The following NEXN variants were observed in gnomAD, a reference collection of about 807,000 sequenced individuals.
The protein encoded by NEXN is nexilin F-actin binding protein.
Under a neutral mutation model 92.6 loss-of-function variants are expected in NEXN, and 65 were observed. The observed-to-expected ratio is 0.70, with a 90% CI of 0.57 to 0.86. The LOEUF is 0.86. NEXN is among the 40% of genes least tolerant of loss of function. The pLI is 0.00. For missense variants in NEXN, 778 were observed against 771.1 expected, an observed-to-expected ratio of 1.01 and a Z score of -0.11; for synonymous variants, 254 against 242.5, an observed-to-expected ratio of 1.05 and a Z score of -0.44.
In NEXN at chr1:77,933,300, C is replaced by T. The variant is rs998636692; in HGVS notation, c.1072C>T (p.Pro358Ser). 2.5e-6 allele frequency: 4 copies of T among 1,598,194 alleles called. No homozygotes were observed. Among genetic ancestry groups the T allele is most frequent in the Admixed American group, 3.3e-5 (2 of 59,798 alleles). Residue 358 changes from proline (P) to serine (S), a missense_variant, in exon 10 of 13, where the codon CCA becomes TCA. By Grantham distance (74) the Pro-to-Ser change is moderately conservative. This residue lies in a region of NEXN where 532 missense variants were observed against 476.7 expected (regional missense o/e 1.12). Coordinates refer to ENST00000334785, the MANE Select transcript of NEXN (RefSeq NM_144573.4). ...RRNMVVDDDS[P>S]EMYKTISQEF... ...TAAATAGGTAGTAGATGATGACTCC[C>T]CAGAGATGTATAAGACAATCTCTCA...
At chr1:77,942,360 GTTCT>G in intron 12 of NEXN, 97 bp from the exon 13 acceptor site, 1 of 1,407,280 alleles carries the variant, frequency 7.1e-7, no homozygotes, top group Non-Finnish European at 1.0e-6. Context: ...ACACTTGTAT[GTTCT>G]TTACTTAAAA....
At chr1:77,935,198 C>T (rs1324101276) in intron 10 of NEXN, among the ~76,000 whole-genome samples, 2 of 152,122 alleles carry the variant, frequency 1.3e-5, no homozygotes, top group African/African-American at 2.4e-5. Context: ...CCACCATGCC[C>T]GGCTAATTTT....
intron 1 of NEXN, among the ~76,000 whole-genome samples, chr1:77,899,234 A>G (rs1471776811): frequency 6.6e-6 from 1 of 152,150 alleles, no homozygotes; most frequent in African/African-American, 2.4e-5. Context: ...CACTATTCAC[A>G]ATAGCAAAGA....
chr1:77,926,035 CT>C (rs1571133965), intron 6 of NEXN, among the ~76,000 whole-genome samples: 1 of 151,558 alleles, frequency 6.6e-6, no homozygotes. Context: ...TATGAGGAAA[CT>C]TTTTTTTGTT....
At chr1:77,903,237 A>T (rs951061314) in intron 1 of NEXN, among the ~76,000 whole-genome samples, 1 of 151,954 alleles carries the variant, frequency 6.6e-6, no homozygotes, top group Non-Finnish European at 1.5e-5. Flanking sequence ...AAAAAAAAAA[A>T]GAGAGAAATC....
intron 1 of NEXN, among the ~76,000 whole-genome samples, chr1:77,895,409 A>C (rs1359597703): frequency 1.3e-5 from 2 of 152,180 alleles, no homozygotes. Flanking sequence ...ATAAAGTTAC[A>C]TTATACCTAA....
chr1:77,931,738 G>C (rs1557986692), intron 9 of NEXN: 3 of 152,056 alleles, frequency 2.0e-5, no homozygotes, highest in Non-Finnish European at 4.4e-5. Flanking sequence ...AAAAATTTCA[G>C]GCAATCTTTG....
intron 1 of NEXN, among the ~76,000 whole-genome samples, chr1:77,914,932 T>A (rs894359859): frequency 2.0e-5 from 3 of 151,954 alleles, no homozygotes; most frequent in African/African-American, 7.3e-5. Context: ...ACATATGCTG[T>A]GTCCAAGACA....
At chr1:77,922,937 G>C (rs1649548112) in intron 5 of NEXN, among the ~76,000 whole-genome samples, 1 of 146,880 alleles carries the variant, frequency 6.8e-6, no homozygotes, top group Admixed American at 6.8e-5. Context: ...AACTATTAAA[G>C]TATAAAATAG....
rs1172346120 is a variant in NEXN at position 77,933,488 on chromosome 1, T to C, written c.1251+9T>C. The C allele has an allele frequency of 6.4e-7, 1 of 1,562,696 alleles. No individual in the cohort carries two copies. Among genetic ancestry groups the C allele is most frequent in the African/African-American group, 1.3e-5 (1 of 74,078 alleles). On this transcript the variant is annotated intron_variant, in intron 10 of 12. Transcript: ENST00000334785. Reference sequence around the variant, plus strand: ...GACAGGAAATGGGAGAGGTAAGATTTTAAGAAATATCTATATTCCCCATAT... The same window carrying C: ...GACAGGAAATGGGAGAGGTAAGATTCTAAGAAATATCTATATTCCCCATAT...
At chr1:77,922,861 C>T (rs933977549) in intron 5 of NEXN, among the ~76,000 whole-genome samples, 1 of 152,220 alleles carries the variant, frequency 6.6e-6, no homozygotes, top group African/African-American at 2.4e-5. Context: ...TCCCAAAGTG[C>T]TGGGATTACA....
At chr1:77,933,120 C>A (rs982108778) in intron 9 of NEXN, 162 bp from the exon 10 acceptor site, 5 of 544,100 alleles carry the variant, frequency 9.2e-6, no homozygotes, top group Admixed American at 6.4e-5. Flanking sequence ...GAGATCACAT[C>A]ATTGCACTCC....
chr1:77,922,722 C>T (rs1456937632), intron 5 of NEXN, among the ~76,000 whole-genome samples: 1 of 151,528 alleles, frequency 6.6e-6, no homozygotes, highest in East Asian at 1.9e-4. Flanking sequence ...CTCAGCCTCC[C>T]GTAGCTGGGA....
At position 77,926,621 on chromosome 1, in the gene NEXN, T is replaced by C; in HGVS notation, c.687+10T>C. 6.2e-7 allele frequency: 1 copy of C among 1,613,642 alleles called. No homozygotes were observed. On this transcript the variant is annotated intron_variant, in intron 7 of 12. Transcript: ENST00000334785. ...TCTTTCATTAGTTATGGTAAATTTT[T>C]GTTTGTTTGTTTTCTAAGAAACAAA...
At chr1:77,897,934 C>G (rs1467210552) in intron 1 of NEXN, among the ~76,000 whole-genome samples, 1 of 151,898 alleles carries the variant, frequency 6.6e-6, no homozygotes, top group Non-Finnish European at 1.5e-5. Context: ...AATAAAATAC[C>G]TAGGAATCCA....
At chr1:77,907,770 T>C (rs183669479) in intron 1 of NEXN, among the ~76,000 whole-genome samples, 50 of 152,310 alleles carry the variant, frequency 3.3e-4, no homozygotes, top group Non-Finnish European at 6.2e-4. Context: ...ATTTATTTTC[T>C]AGGACTATTC....
intron 11 of NEXN, among the ~76,000 whole-genome samples, chr1:77,939,388 A>C (rs1335112080): frequency 2.0e-5 from 3 of 152,210 alleles, no homozygotes; most frequent in Non-Finnish European, 4.4e-5. Context: ...CAAGTAGATA[A>C]AGCTGCTTAT....
chr1:77,910,810 C>T (rs1290004429), intron 1 of NEXN, among the ~76,000 whole-genome samples: 2 of 149,460 alleles, frequency 1.3e-5, no homozygotes, highest in African/African-American at 4.9e-5. Flanking sequence ...GATATAAAAC[C>T]AGAATACAAA....
chr1:77,939,800 C>T lies in NEXN; in HGVS notation c.1474-2223C>T, dbSNP rs142380872. The stretch of plus-strand genomic sequence containing the variant: ...TTAAAAACTTGTTAGCGGCTGAGCG[C>T]GGTGGTTTATGCCTGTAATTCCCAG... On this transcript the variant is annotated intron_variant, in intron 11 of 12. Coordinates refer to ENST00000334785, the MANE Select transcript of NEXN (RefSeq NM_144573.4). Among the ~76,000 whole-genome samples, 60 of 152,268 alleles carry T rather than the reference C, an allele frequency of 3.9e-4. 2 individuals carry two copies. The East Asian group carries it at 0.011, about 28-fold the overall frequency.
Sources: allele counts gnomAD v4.1 joint callset (sites outside exome capture counted in the v4.1 genomes callset), GRCh38; gene constraint gnomAD v4.1.1; regional missense constraint gnomAD v4.1.1; transcripts MANE v1.5; gene names NCBI Gene and HGNC (gene_info 2026-07-23, HGNC 2026-07-21).